The following GLRA2 variants were observed in gnomAD, a reference collection of about 807,000 sequenced individuals.
The protein encoded by GLRA2 is glycine receptor subunit alpha-2.
GLRA2 carries 11 observed loss-of-function variants against 31.6 expected under a neutral mutation model. That is an observed-to-expected ratio of 0.35 (90% CI 0.22 to 0.58). The LOEUF (loss-of-function observed/expected upper bound fraction) is 0.58. GLRA2 is among the 20% of genes least tolerant of loss of function. The probability of loss-of-function intolerance (pLI) is 0.84; values close to 1 mark genes in which losing one functional copy is unlikely to be tolerated. For synonymous variants in GLRA2, 132 were observed against 134.0 expected (o/e 0.99, Z 0.10); for missense variants, 212 against 351.8 (o/e 0.60, Z 3.18).
chrX:14,621,292 A>G (rs776687774), intron 7 of GLRA2, among the ~76,000 whole-genome samples: 92 of 111,530 alleles, frequency 8.2e-4, no homozygotes, highest in African/African-American at 2.4e-3. Context: ...CACAAATTAA[A>G]CCAAACTATC....
intron 7 of GLRA2, among the ~76,000 whole-genome samples, chrX:14,629,914 T>C (rs2090625842): frequency 8.9e-6 from 1 of 112,020 alleles, no homozygotes; most frequent in East Asian, 2.8e-4. Context: ...TTTATTTCTT[T>C]ATATATCATA....
At chrX:14,648,461 G>A (rs1489583099) in intron 7 of GLRA2, among the ~76,000 whole-genome samples, 2 of 111,293 alleles carry the variant, frequency 1.8e-5, no homozygotes, top group Non-Finnish European at 3.8e-5. Flanking sequence ...TGAGACATTG[G>A]GTTAGAGAAA....
intron 2 of GLRA2, among the ~76,000 whole-genome samples, chrX:14,565,049 T>C (rs937361560): frequency 4.5e-5 from 5 of 110,971 alleles, no homozygotes; most frequent in African/African-American, 1.3e-4. Flanking sequence ...GAGGTCATAA[T>C]AGAGGAAATG....
the GLRA2 span, among the ~76,000 whole-genome samples, chrX:14,450,241 A>G: frequency 8.9e-6 from 1 of 112,337 alleles, no homozygotes; most frequent in Non-Finnish European, 1.9e-5. Context: ...GTGCATCACA[A>G]GACCACCTGC....
intron 7 of GLRA2, among the ~76,000 whole-genome samples, chrX:14,668,571 C>T (rs749045462): frequency 5.3e-5 from 6 of 112,647 alleles, no homozygotes; most frequent in South Asian, 7.3e-4. Context: ...GTTTAATTGA[C>T]TTACAGTTCC....
intron 7 of GLRA2, among the ~76,000 whole-genome samples, chrX:14,670,758 T>A (rs935991672): frequency 8.9e-6 from 1 of 111,872 alleles, no homozygotes; most frequent in Non-Finnish European, 1.9e-5. Context: ...AGCCAAACCA[T>A]ATCACTGTTA....
chrX:14,604,240 G>A, intron 4 of GLRA2, 75 bp from the exon 5 acceptor site: 1 of 580,338 alleles, frequency 1.7e-6, no homozygotes, highest in South Asian at 2.5e-5. Flanking sequence ...AATGCCAAGT[G>A]TATTTTGTTT....
chrX:14,548,571 C>T (rs1210797421), intron 2 of GLRA2, among the ~76,000 whole-genome samples: 4 of 111,480 alleles, frequency 3.6e-5, no homozygotes, highest in Non-Finnish European at 5.7e-5. Flanking sequence ...ACTTTACTAT[C>T]CCACCTTCTT....
the GLRA2 span, among the ~76,000 whole-genome samples, chrX:14,517,750 T>C: frequency 9.0e-6 from 1 of 111,187 alleles, no homozygotes; most frequent in African/African-American, 3.3e-5. Flanking sequence ...AAAATATTTC[T>C]ATTCTAAGAT....
the GLRA2 span, among the ~76,000 whole-genome samples, chrX:14,472,282 C>A: frequency 8.9e-6 from 1 of 112,416 alleles, no homozygotes; most frequent in Non-Finnish European, 1.9e-5. Context: ...TTTCATCATT[C>A]CCTGCTTCCA....
rs770931704 is a variant in GLRA2, at chrX:14,702,053, G to C, written c.1080+11194G>C. Among the ~76,000 whole-genome samples the C allele has an allele frequency of 7.3e-4, 82 of 112,056 alleles. 2 individuals are homozygous for C. Among genetic ancestry groups the C allele is most frequent in the Non-Finnish European group, 2.6e-4 (14 of 53,266 alleles). On this transcript the variant is annotated intron_variant, in intron 8 of 8. Transcript: ENST00000218075. Reference sequence around the variant, plus strand: ...AGCCTTTGTCTGGGTCTTGACACAGGAGTAGAAATTTGCCAGGTCAAAAGG... The same window carrying C: ...AGCCTTTGTCTGGGTCTTGACACAGCAGTAGAAATTTGCCAGGTCAAAAGG...
intron 7 of GLRA2, among the ~76,000 whole-genome samples, chrX:14,683,663 G>A (rs181712632): frequency 3.4e-4 from 38 of 111,214 alleles, no homozygotes; most frequent in Non-Finnish European, 6.0e-4. Flanking sequence ...TTCCTTCTAG[G>A]GTCTTTATGG....
chrX:14,638,108 G>A (rs1236191002), intron 7 of GLRA2, among the ~76,000 whole-genome samples: 1 of 111,160 alleles, frequency 9.0e-6, no homozygotes, highest in Non-Finnish European at 1.9e-5. Context: ...ATGAAAAAGG[G>A]TTATTGAAAT....
rs188355232 is a variant in GLRA2 at position 14,690,609 on chromosome X, G to A, written c.931-101G>A. 345 of 568,112 alleles carry A rather than the reference G, an allele frequency of 6.1e-4. 1 individual carries two copies. Among genetic ancestry groups the A allele is most frequent in the Non-Finnish European group, 9.4e-4 (320 of 341,717 alleles). 46.8% of individuals were successfully genotyped at this position (568,112 alleles called of 1,213,427 possible). A position where few individuals can be genotyped will look rare whatever the true frequency, so the allele number is the denominator to read the frequency against. ...ACCAAGGAAATTAGGTTATTTTGCTGCTCACACCATTAAGAATCTGGTTTC... is the reference window on the plus strand; with the variant it reads ...ACCAAGGAAATTAGGTTATTTTGCTACTCACACCATTAAGAATCTGGTTTC... On this transcript the variant is annotated intron_variant, in intron 7 of 8. Coordinates refer to ENST00000218075, the MANE Select transcript of GLRA2 (RefSeq NM_002063.4).
intron 7 of GLRA2, among the ~76,000 whole-genome samples, chrX:14,620,003 G>C (rs7882022): frequency 0.03 from 2,974 of 100,305 alleles, 107 homozygotes; most frequent in African/African-American, 0.1. Flanking sequence ...GCGCCCCCCC[G>C]TTTTTTTTTT....
intron 8 of GLRA2, among the ~76,000 whole-genome samples, chrX:14,705,868 GGTTAA>G (rs1378865521): frequency 1.8e-5 from 2 of 111,576 alleles, no homozygotes; most frequent in Non-Finnish European, 3.8e-5. Flanking sequence ...AACATCAGGA[GGTTAA>G]GTTATTAAAT....
At chrX:14,618,463 TTATG>T (rs1405487189) in intron 7 of GLRA2, among the ~76,000 whole-genome samples, 4 of 111,997 alleles carry the variant, frequency 3.6e-5, no homozygotes, top group African/African-American at 1.3e-4. Flanking sequence ...ATGGTAATGT[TTATG>T]TAAACGGCAT....
intron 7 of GLRA2, among the ~76,000 whole-genome samples, chrX:14,622,111 GTGA>G (rs2090527101): frequency 8.9e-6 from 1 of 112,518 alleles, no homozygotes; most frequent in African/African-American, 3.2e-5. Context: ...CTGATGGCCA[GTGA>G]TGATGAGCAT....
At chrX:14,659,266 CT>C (rs2090969416) in intron 7 of GLRA2, among the ~76,000 whole-genome samples, 2 of 112,088 alleles carry the variant, frequency 1.8e-5, no homozygotes, top group Admixed American at 1.9e-4. Context: ...TACTGTATGG[CT>C]TTTTACAGAA....
Sources: gnomAD v4.1 joint callset for allele counts (sites outside exome capture counted in the v4.1 genomes callset) on GRCh38, gnomAD v4.1.1 for gene constraint, MANE v1.5 for transcripts, NCBI Gene and HGNC (gene_info 2026-07-23, HGNC 2026-07-21) for gene names.